Variants in PUDP observed in about 807,000 individuals in gnomAD.
The protein encoded by PUDP is pseudouridine-5'-phosphatase.
PUDP carries 8 observed loss-of-function variants against 9.4 expected under a neutral mutation model. The ratio of observed to expected loss-of-function variants is 0.85; its 90% CI spans 0.50 to 1.53. The LOEUF is 1.53. PUDP is among the 40% of genes most tolerant of loss of function. PUDP has a pLI of 0.00. For missense variants in PUDP, 188 were observed against 189.7 expected (o/e 0.99, Z 0.05); for synonymous variants, 99 against 80.7 (o/e 1.23, Z -1.22).
intron 1 of PUDP, among the ~76,000 whole-genome samples, chrX:7,030,730 G>A (rs753858153): frequency 9.0e-6 from 1 of 111,135 alleles, no homozygotes; most frequent in East Asian, 2.8e-4. Context: ...CCTCTCAGAC[G>A]TTACTGGCTC....
At chrX:7,145,111 G>A (rs750836615) in intron 1 of PUDP, among the ~76,000 whole-genome samples, 1 of 111,973 alleles carries the variant, frequency 8.9e-6, no homozygotes, top group African/African-American at 3.2e-5. Context: ...TGTGTTGTAT[G>A]TATAAAACAC....
chrX:6,862,055 T>C (rs950287099), intron 3 of PUDP, among the ~76,000 whole-genome samples: 1 of 111,858 alleles, frequency 8.9e-6, no homozygotes, highest in Non-Finnish European at 1.9e-5. Context: ...GTCAAGGGAA[T>C]GAGGGTGGAG....
intron 2 of PUDP, among the ~76,000 whole-genome samples, chrX:7,087,315 A>C (rs900968625): frequency 5.4e-5 from 6 of 111,405 alleles, no homozygotes; most frequent in African/African-American, 1.6e-4. Context: ...AGCCAAGGAA[A>C]GCTAAGGGTG....
At chrX:7,113,947 G>T (rs1244914080) in intron 1 of PUDP, among the ~76,000 whole-genome samples, 1 of 111,592 alleles carries the variant, frequency 9.0e-6, no homozygotes, top group Non-Finnish European at 1.9e-5. Flanking sequence ...ACGTCGAGGG[G>T]ACACATTTTG....
chrX:6,764,982 T>A (rs771485943), intron 3 of PUDP, among the ~76,000 whole-genome samples: 1 of 110,232 alleles, frequency 9.1e-6, no homozygotes, highest in Non-Finnish European at 1.9e-5. Context: ...AAGCTGAAAA[T>A]ATGGGTAGGT....
intron 3 of PUDP, among the ~76,000 whole-genome samples, chrX:7,053,844 G>C (rs1283311541): frequency 8.9e-6 from 1 of 111,815 alleles, no homozygotes; most frequent in Admixed American, 9.5e-5. Flanking sequence ...AGGGAAACTT[G>C]CAAGTGTCTG....
chrX:7,065,472 C>T lies in PUDP; in HGVS notation c.510+11748G>A, dbSNP rs749851394. Among the ~76,000 whole-genome samples, 70 of 112,503 alleles carry T rather than the reference C, an allele frequency of 6.2e-4. 1 individual carries two copies. Among genetic ancestry groups the T allele is most frequent in the Non-Finnish European group, 2.4e-4 (13 of 53,385 alleles). On this transcript the variant is annotated intron_variant, in intron 3 of 3. Transcript: ENST00000381077. ...AGAGCCTTGGGGTTTATGTCCCCCTCTCCACTGGCAAGACATCTACCCCGG... is the reference window on the plus strand; with the variant it reads ...AGAGCCTTGGGGTTTATGTCCCCCTTTCCACTGGCAAGACATCTACCCCGG...
chrX:6,872,960 T>C (rs1318862721), intron 3 of PUDP, among the ~76,000 whole-genome samples: 1 of 111,085 alleles, frequency 9.0e-6, no homozygotes, highest in Non-Finnish European at 1.9e-5. Context: ...ATTAGTGAAC[T>C]GAATTACTTC....
intron 2 of PUDP, among the ~76,000 whole-genome samples, chrX:7,086,406 T>A (rs1931264309): frequency 8.9e-6 from 1 of 112,408 alleles, no homozygotes; most frequent in Admixed American, 9.5e-5. Flanking sequence ...TAATATAGAT[T>A]CTTGATTTTT....
chrX:6,913,159 T>A (rs1378033613), intron 3 of PUDP, among the ~76,000 whole-genome samples: 1 of 111,688 alleles, frequency 9.0e-6, no homozygotes, highest in Non-Finnish European at 1.9e-5. Context: ...TAAAGTGGAA[T>A]TTCTACAAAT....
At chrX:7,116,597 C>A (rs1390757806) in intron 1 of PUDP, among the ~76,000 whole-genome samples, 6 of 111,921 alleles carry the variant, frequency 5.4e-5, no homozygotes, top group African/African-American at 2.0e-4. Context: ...TTACCACATG[C>A]CCTTGCCCAG....
At chrX:6,939,098 T>G (rs1182313882) in intron 3 of PUDP, among the ~76,000 whole-genome samples, 2 of 110,068 alleles carry the variant, frequency 1.8e-5, no homozygotes, top group African/African-American at 6.6e-5. Flanking sequence ...TGGTGAAAAC[T>G]TTTACCTTTA....
intron 3 of PUDP, among the ~76,000 whole-genome samples, chrX:6,925,400 G>C (rs764532660): frequency 8.9e-6 from 1 of 112,132 alleles, no homozygotes; most frequent in South Asian, 3.7e-4. Context: ...TCATGATTAG[G>C]CAGATGCTGA....
intron 3 of PUDP, among the ~76,000 whole-genome samples, chrX:6,923,677 G>C (rs183147700): frequency 1.8e-5 from 2 of 111,221 alleles, no homozygotes; most frequent in African/African-American, 6.5e-5. Context: ...TTGAATTATT[G>C]CAAGTGTCTC....
intron 1 of PUDP, among the ~76,000 whole-genome samples, chrX:7,115,780 G>A (rs914841344): frequency 8.0e-5 from 9 of 112,630 alleles, no homozygotes; most frequent in African/African-American, 1.6e-4. Flanking sequence ...TGTCGGCAGC[G>A]CTATTTCACT....
chrX:7,036,958 T>G (rs1485200348), intron 1 of PUDP, among the ~76,000 whole-genome samples: 8 of 112,317 alleles, frequency 7.1e-5, no homozygotes, highest in African/African-American at 9.7e-5. Flanking sequence ...AGAAATAACT[T>G]TGTTCACGGT....
chrX:7,103,350 T>C (rs1277854865), intron 2 of PUDP, among the ~76,000 whole-genome samples: 2 of 112,274 alleles, frequency 1.8e-5, no homozygotes, highest in African/African-American at 6.5e-5. Context: ...AAACTGGACA[T>C]CCACGTACAA....
intron 3 of PUDP, among the ~76,000 whole-genome samples, chrX:6,957,680 A>G (rs1207034089): frequency 8.9e-6 from 1 of 112,394 alleles, no homozygotes; most frequent in Non-Finnish European, 1.9e-5. Flanking sequence ...GTGGCTCGGG[A>G]ACTAGGTAAT....
chrX:6,906,513 G>A (rs772154013), intron 3 of PUDP, among the ~76,000 whole-genome samples: 5 of 112,273 alleles, frequency 4.5e-5, no homozygotes, highest in African/African-American at 9.7e-5. Flanking sequence ...GAACGCAGGC[G>A]CTTCTTGTCG....
Sources: gnomAD v4.1 joint callset for allele counts (sites outside exome capture counted in the v4.1 genomes callset) on GRCh38, gnomAD v4.1.1 for gene constraint, MANE v1.5 for transcripts, NCBI Gene and HGNC (gene_info 2026-07-23, HGNC 2026-07-21) for gene names.